The following SOX6 variants were observed in gnomAD, a reference collection of about 807,000 sequenced individuals.
SOX6 encodes the protein transcription factor SOX-6.
A neutral mutation model predicts 97.8 loss-of-function variants in SOX6; 11 were observed. That is an observed-to-expected ratio of 0.11 (90% confidence interval 0.07 to 0.19). The LOEUF (loss-of-function observed/expected upper bound fraction) is 0.19. Ranked by LOEUF, SOX6 falls within the 10% of genes least tolerant of loss-of-function variation. The probability of loss-of-function intolerance (pLI) is 1.00; values close to 1 mark genes in which losing one functional copy is unlikely to be tolerated. For synonymous variants in SOX6, 360 were observed against 371.4 expected (o/e 0.97, Z 0.35); for missense variants, 810 against 1,039.5 (o/e 0.78, Z 3.04).
chr11:15,975,628 C>A (rs1000412541), intron 15 of SOX6, among the ~76,000 whole-genome samples: 46 of 152,138 alleles, frequency 3.0e-4, no homozygotes, highest in African/African-American at 1.1e-3. Context: ...TTTACATTAT[C>A]TTCTTGAATC....
rs143221824 is a variant in SOX6, at chr11:16,722,918, C to A, written n.354-8013G>T. On this transcript the variant is annotated intron_variant and non_coding_transcript_variant, in intron 2 of 5. Coordinates refer to the SOX6 transcript ENST00000524520. ...TCAACCATTGTGAAAAGCAGTATGG[C>A]AATTCCTCAAAGAGCTAAAAGGAGA... Among the ~76,000 whole-genome samples, 962 of 152,252 alleles carry A rather than the reference C, an allele frequency of 6.3e-3. 12 individuals carry two copies. The highest frequency in any genetic ancestry group is 0.021 in the African/African-American group (861 of 41,544).
chr11:16,086,433 C>T (rs776825261), intron 9 of SOX6, among the ~76,000 whole-genome samples: 8 of 152,144 alleles, frequency 5.3e-5, no homozygotes, highest in Admixed American at 1.3e-4. Flanking sequence ...CCACAGTTCC[C>T]GCAGACTCCT....
chr11:16,719,053 C>G (rs1848240024), intron 2 of SOX6, among the ~76,000 whole-genome samples: 1 of 148,286 alleles, frequency 6.7e-6, no homozygotes, highest in Non-Finnish European at 1.5e-5. Flanking sequence ...TCATATTACA[C>G]AAGTACATAA....
At chr11:16,130,951 C>G (rs1255175693) in intron 6 of SOX6, among the ~76,000 whole-genome samples, 2 of 151,818 alleles carry the variant, frequency 1.3e-5, no homozygotes, top group Admixed American at 1.3e-4. Context: ...ATCTTATACA[C>G]AAAATTTAAC....
chr11:16,557,150 A>G (rs533737432), intron 4 of SOX6, among the ~76,000 whole-genome samples: 3 of 151,934 alleles, frequency 2.0e-5, no homozygotes, highest in Admixed American at 1.3e-4. Context: ...CTTCACTTAA[A>G]TACTGGAAAA....
At chr11:16,291,409 A>T (rs1854915434) in intron 3 of SOX6, among the ~76,000 whole-genome samples, 1 of 151,866 alleles carries the variant, frequency 6.6e-6, no homozygotes, top group Admixed American at 6.6e-5. Context: ...GAGTGAAAGG[A>T]AGGATGGATG....
In SOX6 at chr11:16,190,765, T is replaced by C. The variant is rs146073805; in HGVS notation, c.536-3810A>G. On this transcript the variant is annotated intron_variant, in intron 4 of 15. Transcript: ENST00000683767. The stretch of plus-strand genomic sequence containing the variant: ...ACCATACAATAGCTTATATTCAAAA[T>C]GTGCAGATTAATTTGTGTGTGTGCG... 1.6e-4 allele frequency among the ~76,000 whole-genome samples: 24 copies of C among 152,266 alleles called. No homozygotes were observed. In the East Asian group the frequency reaches 4.4e-3, roughly 28 times the overall value.
At chr11:16,420,713 T>C (rs1362643442) in intron 1 of SOX6, among the ~76,000 whole-genome samples, 1 of 152,212 alleles carries the variant, frequency 6.6e-6, no homozygotes, top group East Asian at 1.9e-4. Flanking sequence ...TTGTATTGTA[T>C]TCTTCAACCT....
In SOX6 at chr11:16,300,518, C is replaced by T. The variant is rs1855226604; in HGVS notation, c.445+17928G>A. Among the ~76,000 whole-genome samples, 2 of 152,092 alleles carry T rather than the reference C, an allele frequency of 1.3e-5. No individual in the cohort carries two copies. Among genetic ancestry groups the T allele is most frequent in the Admixed American group, 1.3e-4 (2 of 15,270 alleles). ...AATCGTTATCCTTACTTACAGCTGC[C>T]CCACTCTAATAGTGCTTTTACAAGT... On this transcript the variant is annotated intron_variant, in intron 3 of 15. Coordinates refer to ENST00000683767, the MANE Select transcript of SOX6 (RefSeq NM_001367873.1). The surrounding 1 kb of genome is among the most constrained non-coding windows in gnomAD (Gnocchi z 4.1).
At chr11:16,516,363 G>T (rs535018047) in intron 4 of SOX6, among the ~76,000 whole-genome samples, 53 of 152,268 alleles carry the variant, frequency 3.5e-4, no homozygotes, top group African/African-American at 1.2e-3. Flanking sequence ...TGTTGTTGGT[G>T]TATAAGAATG....
chr11:16,099,270 T>A (rs902683481), intron 7 of SOX6, among the ~76,000 whole-genome samples: 1 of 151,908 alleles, frequency 6.6e-6, no homozygotes. Flanking sequence ...GGCCAAATTA[T>A]TTTTTATAGT....
At chr11:16,625,515 C>T (rs188507690) in intron 3 of SOX6, among the ~76,000 whole-genome samples, 14 of 152,258 alleles carry the variant, frequency 9.2e-5, no homozygotes, top group African/African-American at 2.9e-4. Flanking sequence ...AACCGCTTGA[C>T]GTTTTCTGTG....
intron 1 of SOX6, among the ~76,000 whole-genome samples, chr11:16,423,896 TTAATC>T (rs1344668506): frequency 6.6e-6 from 1 of 152,136 alleles, no homozygotes; most frequent in Admixed American, 6.5e-5. Context: ...AAAAAGTAGA[TTAATC>T]TAAAAAGGCT....
At chr11:16,095,632 A>G (rs550157479) in intron 9 of SOX6, among the ~76,000 whole-genome samples, 3 of 151,980 alleles carry the variant, frequency 2.0e-5, no homozygotes, top group African/African-American at 7.2e-5. Flanking sequence ...GGGTTATTCT[A>G]TGGTCAAATA....
intron 3 of SOX6, among the ~76,000 whole-genome samples, chr11:16,713,038 C>T (rs1212925760): frequency 1.3e-5 from 2 of 152,088 alleles, no homozygotes; most frequent in Admixed American, 1.3e-4. Flanking sequence ...AAACTGAGAT[C>T]CAGAAAGACA....
intron 2 of SOX6, among the ~76,000 whole-genome samples, chr11:16,335,782 A>G (rs1392955834): frequency 6.6e-6 from 1 of 152,190 alleles, no homozygotes; most frequent in Non-Finnish European, 1.5e-5. Context: ...TGAAAAACAC[A>G]AAACACTCCA....
chr11:16,167,651 C>A (rs1427494384), intron 6 of SOX6, among the ~76,000 whole-genome samples: 1 of 152,198 alleles, frequency 6.6e-6, no homozygotes, highest in Non-Finnish European at 1.5e-5. Context: ...AGCAAGCCCC[C>A]ATCAGCTAGC....
rs143476994 is a variant in SOX6, at chr11:16,697,618, A to G, written n.429+17212T>C. Among the ~76,000 whole-genome samples, 102 of 152,354 alleles carry G rather than the reference A, an allele frequency of 6.7e-4. 1 individual carries two copies. Among genetic ancestry groups the G allele is most frequent in the African/African-American group, 2.2e-3 (93 of 41,588 alleles). On this transcript the variant is annotated intron_variant and non_coding_transcript_variant, in intron 3 of 5. Transcript: ENST00000524520. ...GAGTGAGACTCTATCTCAAAAAAAGAAGAAAGATTTTCTACTTACTTTGCT... is the reference window on the plus strand; with the variant it reads ...GAGTGAGACTCTATCTCAAAAAAAGGAGAAAGATTTTCTACTTACTTTGCT...
intron 6 of SOX6, among the ~76,000 whole-genome samples, chr11:16,175,719 T>A (rs1564999515): frequency 6.6e-6 from 1 of 151,936 alleles, no homozygotes; most frequent in Admixed American, 6.6e-5. Flanking sequence ...TTATTCTGTT[T>A]AGAAAGTTAA....
Sources: gnomAD v4.1 joint callset for allele counts (sites outside exome capture counted in the v4.1 genomes callset) on GRCh38, gnomAD v4.1.1 for gene constraint, Gnocchi (gnomAD v3.1) non-coding constraint, MANE v1.5 for transcripts, NCBI Gene and HGNC (gene_info 2026-07-23, HGNC 2026-07-21) for gene names.